Variants in ZFHX2 observed in about 807,000 individuals in gnomAD.
The protein encoded by ZFHX2 is zinc finger homeobox 2, also known as zinc finger homeobox protein 2.
In ZFHX2, 75 loss-of-function variants were observed where a neutral mutation model predicts 164.8. The ratio of observed to expected loss-of-function variants is 0.46; its 90% CI spans 0.38 to 0.55. The LOEUF (loss-of-function observed/expected upper bound fraction) is 0.55, where lower values mean the gene tolerates loss of function less well. ZFHX2 is among the 20% of genes least tolerant of loss of function. ZFHX2 has a pLI of 0.00. For synonymous variants in ZFHX2, 1,217 were observed against 1,351.4 expected (o/e 0.90, Z 2.18); for missense variants, 2,933 against 3,308.0 (o/e 0.89, Z 2.78).
rs1174966067 is a variant in ZFHX2 at position 23,531,556 on chromosome 14, C to G, written c.2725G>C (p.Gly909Arg). The G allele has an allele frequency of 6.6e-7, 1 of 1,523,112 alleles. No homozygotes were observed. Among genetic ancestry groups the G allele is most frequent in the South Asian group, 1.2e-5 (1 of 82,366 alleles). The allele number at this position is 1,523,112 out of a possible 1,614,324, so 94.3% of individuals were successfully genotyped here. Residue 909 changes from glycine (G) to arginine (R), a missense_variant, in exon 4 of 10, where the codon GGC becomes CGC. By Grantham distance (125) the Gly-to-Arg change is moderately radical (BLOSUM62 -2). Transcript: ENST00000419474. ...GCGAGTCCTTCCTCAGTGGTTGGGC[C>G]ATTCTGTAGCAGCTGCAGACGCCTC... ...AQRRLQLLQN[G>R]PTTEEGLAAL...
upstream of ZFHX2, chr14:23,555,915 A>C (rs1348187692): frequency 6.6e-6 from 1 of 152,236 alleles, no homozygotes; most frequent in Admixed American, 6.5e-5. Context: ...CGCAGGCACC[A>C]AGTGCAGCTT....
Position 23,525,407 on chromosome 14 carries a change from A to G in ZFHX2, c.4535T>C (p.Leu1512Pro). Residue 1512 changes from leucine (L) to proline (P), a missense_variant, in exon 9 of 10, where the codon CTG (leucine) becomes CCG (proline). Transcript: ENST00000419474. This position sits in a 1 kb window ranked among gnomAD's most constrained non-coding sequence, Gnocchi z 5.9. ...TCGAAACTGAGCAGCATAACGGCTCAGGGCTTCAAAGGGCAGAAAGCGGCG... is the reference window on the plus strand; with the variant it reads ...TCGAAACTGAGCAGCATAACGGCTCGGGGCTTCAAAGGGCAGAAAGCGGCG... ...VHRRFLPFEA[L>P]SRYAAQFRKS... The G allele has an allele frequency of 6.5e-7, 1 of 1,536,136 alleles. No individual in the cohort carries two copies. The highest frequency in any genetic ancestry group is 8.7e-7 in the Non-Finnish European group (1 of 1,146,910).
At chr14:23,554,234 A>G (rs1315871631), upstream of ZFHX2, among the ~76,000 whole-genome samples, 1 of 152,120 alleles carries the variant, frequency 6.6e-6, no homozygotes, top group Non-Finnish European at 1.5e-5. Context: ...TTAGGTCTTC[A>G]TCCCAGGTTA....
rs1880036007 is a variant in ZFHX2, at chr14:23,535,480, C to T, written c.-49-106G>A. 1 of 891,140 alleles carries T rather than the reference C, an allele frequency of 1.1e-6. No individual in the cohort carries two copies. The highest frequency in any genetic ancestry group is 1.5e-6 in the Non-Finnish European group (1 of 657,702). 55.2% of individuals were successfully genotyped at this position (891,140 alleles called of 1,614,324 possible). ...CCCATCCTCTTCCCTGAACACCAGA[C>T]TCAGACACCACTTTGCTAACCTGAA... On this transcript the variant is annotated intron_variant, in intron 1 of 9. Transcript: ENST00000419474. This position sits in a 1 kb window ranked among gnomAD's most constrained non-coding sequence, Gnocchi z 4.5.
Position 23,534,475 on chromosome 14 carries a change from C to G in ZFHX2, c.851G>C (p.Gly284Ala), listed in dbSNP as rs1335483034. Reference protein sequence around the residue: ...SPAVLQEGDEGCKALISFLEP... With the variant: ...SPAVLQEGDEACKALISFLEP... ...CAGAAAGCTTATGAGGGCCTTGCAG[C>G]CTTCATCTCCCTCCTGGAGTACAGC... The change falls in exon 2 of 10, where the codon GGC becomes GCC. Residue 284 changes from glycine (G) to alanine (A), a missense_variant. By Grantham distance (60) the Gly-to-Ala change is moderately conservative. Transcript: ENST00000419474. This position sits in a 1 kb window ranked among gnomAD's most constrained non-coding sequence, Gnocchi z 4.5. 1 of 1,536,152 alleles carries G rather than the reference C, an allele frequency of 6.5e-7. No homozygotes were observed. Among genetic ancestry groups the G allele is most frequent in the East Asian group, 2.4e-5 (1 of 40,912 alleles).
rs1016152569 is a variant in ZFHX2 at position 23,522,457 on chromosome 14, A to C, written c.7224T>G (p.Pro2408=). Residue 2408 remains proline, a synonymous_variant, in exon 10 of 10, where the codon CCT becomes CCG. Transcript: ENST00000419474. ...TTGGAGGTGCTGTGGCTGTGGGCTC[A>C]GGGGGCTGGGGTGGCGGCTGGAGGA... ...NALLQPPPQP[P]EPTATAPPKP... The C allele has an allele frequency of 2.0e-6, 3 of 1,536,068 alleles. No individual in the cohort carries two copies. In the African/African-American group the frequency reaches 4.1e-5, roughly 21 times the overall value.
intron 1 of ZFHX2, among the ~76,000 whole-genome samples, chr14:23,537,043 G>C (rs565575749): frequency 3.3e-4 from 50 of 152,264 alleles, no homozygotes; most frequent in African/African-American, 1.2e-3. Flanking sequence ...AGGAGGCTGA[G>C]GCAGGAGAAC....
intron 1 of ZFHX2, among the ~76,000 whole-genome samples, chr14:23,548,836 T>C (rs1355411059): frequency 6.6e-6 from 1 of 152,190 alleles, no homozygotes; most frequent in Non-Finnish European, 1.5e-5. Context: ...ATGCTTTTTT[T>C]CCAACCCCCC....
chr14:23,544,652 G>A (rs973126584), intron 1 of ZFHX2, among the ~76,000 whole-genome samples: 4 of 152,224 alleles, frequency 2.6e-5, no homozygotes, highest in African/African-American at 9.6e-5. Context: ...TGGCGCGGGC[G>A]TGTTTAGGGT....
At position 23,526,872 on chromosome 14, in the gene ZFHX2, A is replaced by G; in HGVS notation, c.3237T>C (p.Pro1079=). Residue 1079 remains proline, a synonymous_variant, in exon 8 of 10, where the codon CCT becomes CCC. Transcript: ENST00000419474. ...GQEPPTHGPE[P]TPSRDQAAEG... The stretch of plus-strand genomic sequence containing the variant: ...CTGCTGCCTGGTCTCTGCTCGGTGT[A>G]GGCTCTGGCCCATGAGTGGGGGGTT... 4 of 1,533,634 alleles carry G rather than the reference A, an allele frequency of 2.6e-6. No homozygotes were observed. Among genetic ancestry groups the G allele is most frequent in the Non-Finnish European group, 2.6e-6 (3 of 1,145,844 alleles).
At position 23,535,073 on chromosome 14, in the gene ZFHX2, A is replaced by G; in HGVS notation, c.253T>C (p.Phe85Leu). 1 of 1,536,202 alleles carries G rather than the reference A, an allele frequency of 6.5e-7. No individual in the cohort carries two copies. ...EPQEGPDCGH[F>L]PPNDPGVEKD... ...TCCACCCCTGGGTCATTTGGTGGGAAGTGACCACAGTCAGGCCCTTCCTGG... is the reference window on the plus strand; with the variant it reads ...TCCACCCCTGGGTCATTTGGTGGGAGGTGACCACAGTCAGGCCCTTCCTGG... Residue 85 changes from phenylalanine to leucine, a missense_variant, in exon 2 of 10, where the codon TTC becomes CTC. Physicochemically the swap from Phe to Leu is conservative, Grantham distance 22. Transcript: ENST00000419474. This position sits in a 1 kb window ranked among gnomAD's most constrained non-coding sequence, Gnocchi z 4.5.
intron 1 of ZFHX2, among the ~76,000 whole-genome samples, chr14:23,542,750 T>A (rs2138869107): frequency 6.6e-6 from 1 of 152,254 alleles, no homozygotes; most frequent in East Asian, 1.9e-4. Flanking sequence ...ACATTCTTTT[T>A]TTTTTTTGGA....
intron 4 of ZFHX2, chr14:23,531,192 C>T (rs1879502518): frequency 1.0e-5 from 3 of 297,810 alleles, no homozygotes; most frequent in Admixed American, 5.2e-5. Flanking sequence ...ATTACCAGGA[C>T]ACTAGTCACT....
chr14:23,535,262 A>G lies in ZFHX2; in HGVS notation c.64T>C (p.Ser22Pro). The G allele has an allele frequency of 2.0e-6, 3 of 1,504,012 alleles. No homozygotes were observed. Among genetic ancestry groups the G allele is most frequent in the Non-Finnish European group, 2.7e-6 (3 of 1,126,278 alleles). The allele number at this position is 1,504,012 out of a possible 1,614,324, so 93.2% of individuals were successfully genotyped here. The change falls in exon 2 of 10, where the codon TCC (serine) becomes CCC (proline). Residue 22 changes from serine (S) to proline (P), a missense_variant. Ser to Pro is a moderately conservative substitution (Grantham distance 74). Transcript: ENST00000419474. The surrounding 1 kb of genome is among the most constrained non-coding windows in gnomAD (Gnocchi z 4.5). ...TTPSPGHNAP[S>P]LPSDTFSSST... ...GAGGAGAAGGTGTCCGAAGGCAGGG[A>G]CGGGGCATTGTGCCCAGGGGAGGGG...
intron 3 of ZFHX2, 54 bp downstream of exon 3, chr14:23,532,513 C>G: frequency 7.0e-7 from 1 of 1,418,940 alleles, no homozygotes; most frequent in East Asian, 2.6e-5. Flanking sequence ...CATCTCCTCC[C>G]TCTGTCCCCA....
rs1388358885 is a variant in ZFHX2, at chr14:23,534,673, C to T, written c.653G>A (p.Gly218Glu). The change falls in exon 2 of 10, where the codon GGA (glycine) becomes GAA (glutamate). Residue 218 changes from glycine (G) to glutamate (E), a missense_variant. Physicochemically the swap from Gly to Glu is moderately conservative, Grantham distance 98. Coordinates refer to ENST00000419474, the MANE Select transcript of ZFHX2 (RefSeq NM_033400.3). The surrounding 1 kb of genome is among the most constrained non-coding windows in gnomAD (Gnocchi z 4.5). ...CCCCATGGGGCCATCTTTGGGATCT[C>T]CGGGTGGATTTGGAGCCAGCTGGTA... ...WSYQLAPNPP[G>E]DPKDGPMGNS... 1 of 1,536,054 alleles carries T rather than the reference C, an allele frequency of 6.5e-7. No individual in the cohort carries two copies. The highest frequency in any genetic ancestry group is 8.7e-7 in the Non-Finnish European group (1 of 1,146,914).
At chr14:23,528,566 C>T in intron 6 of ZFHX2, 1 of 981,336 alleles carries the variant, frequency 1.0e-6, no homozygotes, top group Non-Finnish European at 1.2e-6. Context: ...TTTCTGGACC[C>T]AGAGGCTCCC....
intron 1 of ZFHX2, among the ~76,000 whole-genome samples, chr14:23,550,947 ACACT>A (rs1349145506): frequency 1.3e-5 from 2 of 149,984 alleles, no homozygotes; most frequent in African/African-American, 4.9e-5. Flanking sequence ...CTGAGCCCTC[ACACT>A]CACCGGGCCT....
At position 23,522,085 on chromosome 14, in the gene ZFHX2, G is replaced by C. The variant is rs1878070035; in HGVS notation, c.7596C>G (p.Ile2532Met). Residue 2532 changes from isoleucine (I) to methionine (M), a missense_variant, in exon 10 of 10, where the codon ATC becomes ATG. Transcript: ENST00000419474. ...KAAPPQGGPP[I>M]SITNAATAAS... ...CAGCAGTGGCGGCGTTGGTGATGGA[G>C]ATGGGTGGGCCCCCTTGAGGTGGGG... 1 of 1,536,124 alleles carries C rather than the reference G, an allele frequency of 6.5e-7. No individual in the cohort carries two copies. The highest frequency in any genetic ancestry group is 1.4e-5 in the African/African-American group (1 of 73,070).
Sources: gnomAD v4.1 joint callset for allele counts (sites outside exome capture counted in the v4.1 genomes callset) on GRCh38, gnomAD v4.1.1 for gene constraint, Gnocchi (gnomAD v3.1) non-coding constraint, MANE v1.5 for transcripts, NCBI Gene and HGNC (gene_info 2026-07-23, HGNC 2026-07-21) for gene names.